The following PJA2 variants were observed in gnomAD, a reference collection of about 807,000 sequenced individuals.
PJA2 encodes praja ring finger ubiquitin ligase 2.
PJA2 carries 25 observed loss-of-function variants against 69.3 expected under a neutral mutation model. The observed-to-expected ratio is 0.36, with a 90% CI of 0.26 to 0.50. PJA2 has a LOEUF of 0.50. PJA2 is among the 20% of genes least tolerant of loss of function. PJA2 has a pLI of 0.96. For missense variants in PJA2, 809 were observed against 830.2 expected (o/e 0.97, Z 0.31); for synonymous variants, 308 against 277.8 (o/e 1.11, Z -1.08).
chr5:109,371,904 A>T (rs1258043187), intron 4 of PJA2, among the ~76,000 whole-genome samples: 1 of 152,224 alleles, frequency 6.6e-6, no homozygotes, highest in East Asian at 1.9e-4. Context: ...AGCCTCACAT[A>T]TCAGGTGAAT....
At chr5:109,394,365 TTGGC>T (rs971423257) in intron 1 of PJA2, among the ~76,000 whole-genome samples, 5 of 152,086 alleles carry the variant, frequency 3.3e-5, no homozygotes, top group African/African-American at 9.7e-5. Context: ...AGTTCTCGAC[TTGGC>T]TGGTGTTTAT....
rs576694479 is a variant in PJA2 at position 109,398,954 on chromosome 5, G to T, written c.-88+10888C>A. Among the ~76,000 whole-genome samples the T allele has an allele frequency of 3.9e-5, 6 of 152,198 alleles. No homozygotes were observed. In the South Asian group the frequency reaches 1.2e-3, roughly 32 times the overall value. ...GGGGCCGGGTGCAGGGCTCAGGCTT[G>T]TAATCCCAGCACTTTGGGAGGCCAA... On this transcript the variant is annotated intron_variant, in intron 1 of 9. Coordinates refer to ENST00000361189, the MANE Select transcript of PJA2 (RefSeq NM_014819.5).
chr5:109,341,082 C>A (rs371573690), intron 9 of PJA2, among the ~76,000 whole-genome samples: 1 of 139,270 alleles, frequency 7.2e-6, no homozygotes, highest in African/African-American at 2.6e-5. Context: ...AAGTGAGGAG[C>A]GTCTCTGCCT....
chr5:109,380,056 AGG>A (rs1196922704), intron 3 of PJA2, among the ~76,000 whole-genome samples: 1 of 150,900 alleles, frequency 6.6e-6, no homozygotes, highest in Non-Finnish European at 1.5e-5. Context: ...TATGGTACGA[AGG>A]GTTCTTTGAT....
In PJA2 at chr5:109,336,229, AGTG is replaced by A. The variant is rs1197018575; in HGVS notation, c.*999_*1001del. 1 of 152,228 alleles carries A rather than the reference AGTG, an allele frequency of 6.6e-6. No individual in the cohort carries two copies. The highest frequency in any genetic ancestry group is 1.5e-5 in the Non-Finnish European group (1 of 68,038). The allele number at this position is 152,228 out of a possible 1,614,324, so 9.4% of individuals were successfully genotyped here. A position where few individuals can be genotyped will look rare whatever the true frequency, so the allele number is the denominator to read the frequency against. ...GTGTTAACATCAAATCACATTTGTA[AGTG>A]AACTATTATGTCCATGTTTGCACAT... is the stretch of plus-strand genomic sequence containing the variant. On this transcript the variant is annotated 3_prime_UTR_variant, in exon 10 of 10. Coordinates refer to ENST00000361189, the MANE Select transcript of PJA2 (RefSeq NM_014819.5).
At chr5:109,399,082 A>C (rs1409567026) in intron 1 of PJA2, among the ~76,000 whole-genome samples, 1 of 151,958 alleles carries the variant, frequency 6.6e-6, no homozygotes. Context: ...TTGGTGGCAC[A>C]TGGCTGTAAT....
intron 4 of PJA2, among the ~76,000 whole-genome samples, chr5:109,371,363 C>T (rs971012382): frequency 6.6e-6 from 1 of 152,258 alleles, no homozygotes; most frequent in South Asian, 2.1e-4. Flanking sequence ...AGATGAATCC[C>T]TATCTTGATT....
chr5:109,369,904 C>T (rs962453276), intron 4 of PJA2, among the ~76,000 whole-genome samples: 3 of 151,958 alleles, frequency 2.0e-5, no homozygotes, highest in African/African-American at 4.8e-5. Context: ...TGGCGCTGCA[C>T]GCCTGTAATC....
intron 1 of PJA2, among the ~76,000 whole-genome samples, chr5:109,398,412 G>A (rs1747465236): frequency 6.6e-6 from 1 of 152,082 alleles, no homozygotes; most frequent in East Asian, 1.9e-4. Context: ...TTAAGAAAAT[G>A]TGGCACATAT....
intron 7 of PJA2, among the ~76,000 whole-genome samples, chr5:109,345,304 C>G (rs1339436688): frequency 1.3e-5 from 2 of 149,266 alleles, no homozygotes; most frequent in Admixed American, 6.7e-5. Flanking sequence ...TGTAATGAGC[C>G]GAGATCAAGC....
intron 9 of PJA2, among the ~76,000 whole-genome samples, chr5:109,341,277 C>A (rs1355086110): frequency 1.3e-5 from 2 of 149,058 alleles, no homozygotes; most frequent in Non-Finnish European, 3.0e-5. Context: ...ATGTGGGGAG[C>A]GCCTCTGCCC....
chr5:109,397,073 G>C (rs933065605), intron 1 of PJA2, among the ~76,000 whole-genome samples: 10 of 152,154 alleles, frequency 6.6e-5, no homozygotes, highest in African/African-American at 2.4e-4. Flanking sequence ...CTTATAAAAG[G>C]CTGGGGGAAA....
At position 109,354,512 on chromosome 5, in the gene PJA2, ATC is replaced by A. The variant is rs57811168; in HGVS notation, c.1764+1401_1764+1402del. Among the ~76,000 whole-genome samples the A allele has an allele frequency of 1.2e-3, 43 of 36,558 alleles. 3 individuals carry two copies. Among genetic ancestry groups the A allele is most frequent in the African/African-American group, 6.2e-3 (41 of 6,628 alleles). The allele number at this position is 36,558 out of a possible 152,430, so 24.0% of individuals were successfully genotyped here. A position where few individuals can be genotyped will look rare whatever the true frequency, so the allele number is the denominator to read the frequency against. On this transcript the variant is annotated intron_variant, in intron 7 of 9. Transcript: ENST00000361189. ...TATCTATAATATCATAGATATCTATATCGATATTAGATATCTATAATATCTAT... is the reference window on the plus strand; with the variant it reads ...TATCTATAATATCATAGATATCTATAGATATTAGATATCTATAATATCTAT...
chr5:109,371,832 G>A lies in PJA2; in HGVS notation c.1284-3086C>T, dbSNP rs755881618. On this transcript the variant is annotated intron_variant, in intron 4 of 9. Coordinates refer to ENST00000361189, the MANE Select transcript of PJA2 (RefSeq NM_014819.5). ...ACGATAGTTGAGAATACAGGTCCTG[G>A]TCAGCTTGCCTGGAGTTAAACCCAC... Among the ~76,000 whole-genome samples, 5 of 152,246 alleles carry A rather than the reference G, an allele frequency of 3.3e-5. No individual in the cohort carries two copies. In the South Asian group the frequency reaches 1.0e-3, roughly 32 times the overall value.
intron 6 of PJA2, among the ~76,000 whole-genome samples, chr5:109,361,491 A>G (rs1208415785): frequency 6.6e-6 from 1 of 152,236 alleles, no homozygotes; most frequent in Non-Finnish European, 1.5e-5. Context: ...GCCTCCCAAC[A>G]TGCATAGATG....
chr5:109,383,603 G>A, intron 1 of PJA2, 83 bp from the exon 2 acceptor site: 1 of 512,820 alleles, frequency 1.9e-6, no homozygotes, highest in Non-Finnish European at 3.4e-6. Flanking sequence ...TCCTAGTGAA[G>A]TCTTATAATA....
chr5:109,366,295 CA>C, intron 5 of PJA2, among the ~76,000 whole-genome samples: 1 of 152,124 alleles, frequency 6.6e-6, no homozygotes, highest in Admixed American at 6.5e-5. Context: ...TTCATCAAAA[CA>C]AGGCTGCTAG....
intron 7 of PJA2, 136 bp downstream of exon 7, chr5:109,355,779 T>C: frequency 1.8e-6 from 1 of 548,404 alleles, no homozygotes; most frequent in Non-Finnish European, 3.2e-6. Context: ...CTGGTGACAA[T>C]TATTATTCAA....
chr5:109,384,233 G>T (rs927868105), intron 1 of PJA2, among the ~76,000 whole-genome samples: 2 of 152,124 alleles, frequency 1.3e-5, no homozygotes, highest in African/African-American at 4.8e-5. Context: ...TTGCTAAAAG[G>T]TAACTGTAAG....
Sources: allele counts gnomAD v4.1 joint callset (sites outside exome capture counted in the v4.1 genomes callset), GRCh38; gene constraint gnomAD v4.1.1; transcripts MANE v1.5; gene names NCBI Gene and HGNC (gene_info 2026-07-23, HGNC 2026-07-21).